Variants in CPA5 observed in about 807,000 individuals in gnomAD.
CPA5 encodes testicular tissue protein Li 32.
Under a neutral mutation model 52.2 loss-of-function variants are expected in CPA5, and 38 were observed. The observed-to-expected ratio is 0.73, with a 90% confidence interval of 0.56 to 0.95. The LOEUF is 0.95. Among genes scored for constraint, CPA5 ranks in the 40% least tolerant of loss-of-function variants. The pLI is 0.00. For missense variants in CPA5, 519 were observed against 566.7 expected (o/e 0.92, Z 0.86); for synonymous variants, 198 against 213.7 (o/e 0.93, Z 0.64).
downstream of CPA5, among the ~76,000 whole-genome samples, chr7:130,372,626 C>A (rs187548605): frequency 6.6e-6 from 1 of 152,166 alleles, no homozygotes; most frequent in African/African-American, 2.4e-5. Context: ...GCTGAGGTGG[C>A]GGGTCCAGAG....
intron 10 of CPA5, among the ~76,000 whole-genome samples, chr7:130,366,963 A>C (rs1214687670): frequency 2.0e-5 from 3 of 152,250 alleles, no homozygotes; most frequent in African/African-American, 7.2e-5. Context: ...ATATTAGATT[A>C]GAGGATGCAG....
chr7:130,373,522 G>A (rs140381675), downstream of CPA5, among the ~76,000 whole-genome samples: 324 of 152,366 alleles, frequency 2.1e-3, no homozygotes, highest in East Asian at 0.026. Flanking sequence ...AGGGGCCTGT[G>A]TGAGGCCAGG....
downstream of CPA5, among the ~76,000 whole-genome samples, chr7:130,372,391 C>T (rs567979467): frequency 3.3e-5 from 5 of 152,348 alleles, no homozygotes; most frequent in East Asian, 9.6e-4. Context: ...CTTACTGTGG[C>T]TTAACCAGAT....
At chr7:130,352,624 G>A (rs1383358762) in intron 5 of CPA5, among the ~76,000 whole-genome samples, 2 of 152,112 alleles carry the variant, frequency 1.3e-5, no homozygotes, top group Non-Finnish European at 2.9e-5. Flanking sequence ...GACAACTAGG[G>A]GGGAGTCATG....
chr7:130,349,881 G>A (rs900521240), intron 4 of CPA5, 94 bp from the exon 5 acceptor site: 3 of 1,426,786 alleles, frequency 2.1e-6, no homozygotes, highest in African/African-American at 2.8e-5. Flanking sequence ...GGTCTCTACT[G>A]GCTGAGAGAT....
At chr7:130,353,241 G>A (rs983804590) in intron 5 of CPA5, among the ~76,000 whole-genome samples, 7 of 146,322 alleles carry the variant, frequency 4.8e-5, no homozygotes, top group Admixed American at 2.7e-4. Context: ...ATCCCTGTCC[G>A]CCAGCAGGCT....
At position 130,362,477 on chromosome 7, in the gene CPA5, G is replaced by A. The variant is rs782055983; in HGVS notation, c.574G>A (p.Asp192Asn). ...TTCTCGGCACCCAGCCATCTGGATT[G>A]ACACTGGAATTCACTCCCGGGAGTG... ...GGSRHPAIWIDTGIHSREWIT... is the reference protein window; with the variant it reads ...GGSRHPAIWINTGIHSREWIT... Residue 192 changes from aspartate to asparagine, a missense_variant, in exon 8 of 13, where the codon GAC (aspartate) becomes AAC (asparagine). Asp to Asn is a conservative substitution (Grantham distance 23, BLOSUM62 1). Coordinates refer to ENST00000474905, the MANE Select transcript of CPA5 (RefSeq NM_080385.5). The A allele has an allele frequency of 1.1e-5, 17 of 1,613,404 alleles. No individual in the cohort carries two copies. The highest frequency in any genetic ancestry group is 8.3e-5 in the Admixed American group (5 of 59,990).
Position 130,346,498 on chromosome 7 carries a change from C to G in CPA5, c.13C>G (p.Pro5Ala), listed in dbSNP as rs1794747817. 6.2e-7 allele frequency: 1 copy of G among 1,612,974 alleles called. No individual in the cohort carries two copies. Among genetic ancestry groups the G allele is most frequent in the East Asian group, 2.2e-5 (1 of 44,866 alleles). The change falls in exon 3 of 13, where the codon CCT becomes GCT. Residue 5 changes from proline (P) to alanine (A), a missense_variant. Pro to Ala is a conservative substitution (Grantham distance 27). Coordinates refer to ENST00000474905, the MANE Select transcript of CPA5 (RefSeq NM_080385.5). ...AGGAGGAAGAAGCATGCAGGGCACC[C>G]CTGGAGGCGGGACGCGCCCTGGGCC... MQGTPGGGTRPGPSP... is the reference protein window; with the variant it reads MQGTAGGGTRPGPSP...
Position 130,347,789 on chromosome 7 carries a change from C to T in CPA5, c.140C>T (p.Ala47Val). Residue 47 changes from alanine (A) to valine (V), a missense_variant, in exon 4 of 13, where the codon GCC becomes GTC. Physicochemically the swap from Ala to Val is moderately conservative, Grantham distance 64. Transcript: ENST00000474905. ...FTGDQVLRVL[A>V]KDEKQLSLLG... The stretch of plus-strand genomic sequence containing the variant: ...AGGGACCAGGTTCTTCGAGTCCTGG[C>T]CAAAGATGAGAAGCAGCTTTCACTT... The T allele has an allele frequency of 1.9e-6, 3 of 1,614,016 alleles. No individual in the cohort carries two copies. The highest frequency in any genetic ancestry group is 2.5e-6 in the Non-Finnish European group (3 of 1,179,982).
chr7:130,361,288 C>A, intron 7 of CPA5, 44 bp downstream of exon 7: 1 of 1,362,248 alleles, frequency 7.3e-7, no homozygotes, highest in Non-Finnish European at 1.1e-6. Flanking sequence ...CCTTGAGGGC[C>A]TCTGGCATAA....
rs569324515 is a variant in CPA5, at chr7:130,351,306, A to C, written c.333+1197A>C. On this transcript the variant is annotated intron_variant, in intron 5 of 12. Transcript: ENST00000474905. ...CATTTTTAGCCAGGCCTCTGTTTTG[A>C]AGTTTCCATTTCCCTGGTTCAGCCC... Among the ~76,000 whole-genome samples the C allele has an allele frequency of 2.0e-5, 3 of 152,300 alleles. No individual in the cohort carries two copies. The South Asian group carries it at 6.2e-4, about 32-fold the overall frequency.
the CPA5 span, among the ~76,000 whole-genome samples, chr7:130,374,411 C>T: frequency 1.3e-5 from 2 of 152,114 alleles, no homozygotes; most frequent in Admixed American, 1.3e-4. Context: ...CTGGGGCCTG[C>T]AGTTCACCTC....
At position 130,349,973 on chromosome 7, in the gene CPA5, AG is replaced by A; in HGVS notation, c.199del. ...GCTCTCTCTCTTTCCTTGGTGAACA[AG>A]GTGGACTTCTGGCGTGGCCCAGCCA... On this transcript the variant is annotated splice_acceptor_variant, in intron 4 of 12. Transcript: ENST00000474905. LOFTEE classifies it high-confidence loss of function. The A allele has an allele frequency of 1.9e-6, 3 of 1,612,198 alleles. No homozygotes were observed. The highest frequency in any genetic ancestry group is 2.5e-6 in the Non-Finnish European group (3 of 1,179,208).
intron 5 of CPA5, among the ~76,000 whole-genome samples, chr7:130,357,133 C>T (rs1795518658): frequency 6.6e-6 from 1 of 152,200 alleles, no homozygotes; most frequent in Non-Finnish European, 1.5e-5. Flanking sequence ...CTGTAATTGC[C>T]TCGCATGGAG....
At chr7:130,367,118 T>C (rs1464609886) in intron 10 of CPA5, among the ~76,000 whole-genome samples, 1 of 151,980 alleles carries the variant, frequency 6.6e-6, no homozygotes, top group Non-Finnish European at 1.5e-5. Flanking sequence ...TGTTTCTATC[T>C]AGAATTTTTT....
intron 6 of CPA5, among the ~76,000 whole-genome samples, 181 bp from the exon 7 acceptor site, chr7:130,360,962 T>A (rs1562956789): frequency 6.6e-6 from 1 of 152,234 alleles, no homozygotes; most frequent in Non-Finnish European, 1.5e-5. Flanking sequence ...TCACTTCCTT[T>A]AGCTCTGAGG....
intron 5 of CPA5, among the ~76,000 whole-genome samples, chr7:130,352,385 T>A (rs1795205703): frequency 6.6e-6 from 1 of 151,834 alleles, no homozygotes; most frequent in Non-Finnish European, 1.5e-5. Flanking sequence ...AAATCGGTGG[T>A]TACAATGGAG....
Position 130,347,746 on chromosome 7 carries a change from C to A in CPA5, c.117-20C>A. 1.2e-6 allele frequency: 2 copies of A among 1,604,600 alleles called. No homozygotes were observed. The highest frequency in any genetic ancestry group is 1.7e-6 in the Non-Finnish European group (2 of 1,171,450). ...GATCCTTCTCCGCAGCTTCCTCCGC[C>A]CCTCCCTGTGTTTTTCTAGGGACCA... On this transcript the variant is annotated intron_variant, in intron 3 of 12. Transcript: ENST00000474905.
intron 7 of CPA5, 147 bp downstream of exon 7, chr7:130,361,391 G>C (rs1795783838): frequency 1.6e-6 from 1 of 621,682 alleles, no homozygotes; most frequent in Admixed American, 2.7e-5. Context: ...TAAACTTTGG[G>C]GTTGTGGCAT....
Sources: gnomAD v4.1 joint callset for allele counts (sites outside exome capture counted in the v4.1 genomes callset) on GRCh38, gnomAD v4.1.1 for gene constraint, MANE v1.5 for transcripts, NCBI Gene and HGNC (gene_info 2026-07-23, HGNC 2026-07-21) for gene names.